TRERF1: variants seen among roughly 807,000 people sequenced by gnomAD.
The protein encoded by TRERF1 is transcriptional-regulating factor 1.
Under a neutral mutation model 122.9 loss-of-function variants are expected in TRERF1, and 27 were observed. The ratio of observed to expected loss-of-function variants is 0.22; its 90% confidence interval spans 0.16 to 0.30. The LOEUF (loss-of-function observed/expected upper bound fraction) is 0.30. Ranked by LOEUF, TRERF1 falls within the 10% of genes least tolerant of loss-of-function variation. The pLI is 1.00. For missense variants in TRERF1, 1,248 were observed against 1,560.3 expected, an observed-to-expected ratio of 0.80 and a Z score of 3.37; for synonymous variants, 636 against 641.7, an observed-to-expected ratio of 0.99 and a Z score of 0.13.
At chr6:42,274,647 C>A (rs1028752861) in intron 4 of TRERF1, among the ~76,000 whole-genome samples, 5 of 151,948 alleles carry the variant, frequency 3.3e-5, no homozygotes, top group African/African-American at 1.2e-4. Flanking sequence ...CCATTTCACT[C>A]CAGCCTGGGC....
chr6:42,407,254 C>T (rs1780306975), intron 2 of TRERF1, among the ~76,000 whole-genome samples: 1 of 152,204 alleles, frequency 6.6e-6, no homozygotes, highest in African/African-American at 2.4e-5. Flanking sequence ...GGCCACATCT[C>T]CAGATCTGAA....
intron 3 of TRERF1, among the ~76,000 whole-genome samples, chr6:42,308,758 G>A (rs530298880): frequency 6.6e-6 from 1 of 152,156 alleles, no homozygotes; most frequent in African/African-American, 2.4e-5. Flanking sequence ...CACAAAGAAG[G>A]AAACAACAGA....
intron 15 of TRERF1, among the ~76,000 whole-genome samples, chr6:42,239,634 A>G (rs147481959): frequency 4.1e-4 from 62 of 152,294 alleles, no homozygotes; most frequent in Non-Finnish European, 6.6e-4. Context: ...AAGATACATG[A>G]TCAGGAGAGC....
chr6:42,257,236 T>C, intron 10 of TRERF1, 134 bp from the exon 11 acceptor site: 2 of 1,118,396 alleles, frequency 1.8e-6, no homozygotes, highest in Non-Finnish European at 2.5e-6. Context: ...CCTCACAGTG[T>C]GACCCTAAGA....
At chr6:42,280,237 T>G (rs1782062151) in intron 4 of TRERF1, among the ~76,000 whole-genome samples, 1 of 152,188 alleles carries the variant, frequency 6.6e-6, no homozygotes, top group African/African-American at 2.4e-5. Flanking sequence ...TGGGGAATTC[T>G]GGGAGTCAAC....
intron 3 of TRERF1, among the ~76,000 whole-genome samples, chr6:42,307,757 T>G (rs1051275483): frequency 6.6e-6 from 1 of 151,380 alleles, no homozygotes; most frequent in African/African-American, 2.4e-5. Flanking sequence ...AATTCCCTGA[T>G]GGGCTTCCCC....
chr6:42,287,676 C>T (rs1356896076), intron 4 of TRERF1, among the ~76,000 whole-genome samples: 2 of 152,156 alleles, frequency 1.3e-5, no homozygotes, highest in African/African-American at 4.8e-5. Flanking sequence ...ACCCCAGGGG[C>T]CCACCACCTC....
intron 3 of TRERF1, among the ~76,000 whole-genome samples, chr6:42,304,871 C>T (rs971338042): frequency 6.6e-6 from 1 of 152,204 alleles, no homozygotes; most frequent in Non-Finnish European, 1.5e-5. Context: ...TAGCTCCTCC[C>T]AGGAGCTGAG....
At chr6:42,352,027 A>C (rs906780731) in intron 3 of TRERF1, among the ~76,000 whole-genome samples, 1 of 152,048 alleles carries the variant, frequency 6.6e-6, no homozygotes, top group Non-Finnish European at 1.5e-5. Flanking sequence ...TTTTTGAGAC[A>C]GGGTCCCAAC....
intron 3 of TRERF1, among the ~76,000 whole-genome samples, chr6:42,321,973 G>A (rs1763534774): frequency 6.6e-6 from 1 of 152,176 alleles, no homozygotes; most frequent in Non-Finnish European, 1.5e-5. Context: ...AGACTGAATG[G>A]CAGCTACAAA....
At chr6:42,349,388 T>C (rs376492863) in intron 3 of TRERF1, among the ~76,000 whole-genome samples, 12 of 151,954 alleles carry the variant, frequency 7.9e-5, no homozygotes, top group East Asian at 3.9e-4. Flanking sequence ...CATAGGCCAA[T>C]ACATTTTCTT....
chr6:42,264,948 T>C, intron 6 of TRERF1, 94 bp from the exon 7 acceptor site: 2 of 1,368,170 alleles, frequency 1.5e-6, no homozygotes, highest in Non-Finnish European at 2.0e-6. Flanking sequence ...CACAAACCCA[T>C]TTCATTCATC....
At position 42,232,855 on chromosome 6, in the gene TRERF1, C is replaced by T. The variant is rs749617303; in HGVS notation, c.3104G>A (p.Arg1035His). The change falls in exon 17 of 18, where the codon CGC becomes CAC. Residue 1035 changes from arginine (R) to histidine (H), a missense_variant. Around this residue, in one of 5 missense-constraint regions of TRERF1, gnomAD observed 159 missense variants for 221.7 expected, o/e 0.72. Transcript: ENST00000372922. This position sits in a 1 kb window ranked among gnomAD's most constrained non-coding sequence, Gnocchi z 4.5. ...CACCTGGTTGGTGCCCCCGTGGATGCGGGCATGGCCATTCAGTGCCTGTCG... is the reference window on the plus strand; with the variant it reads ...CACCTGGTTGGTGCCCCCGTGGATGTGGGCATGGCCATTCAGTGCCTGTCG... 6.2e-6 allele frequency: 10 copies of T among 1,609,510 alleles called. No homozygotes were observed. Among genetic ancestry groups the T allele is most frequent in the South Asian group, 1.1e-5 (1 of 90,146 alleles).
At chr6:42,369,966 C>T (rs1490157656) in intron 2 of TRERF1, among the ~76,000 whole-genome samples, 1 of 152,182 alleles carries the variant, frequency 6.6e-6, no homozygotes, top group African/African-American at 2.4e-5. Context: ...CTTCACCTTC[C>T]TCCTGACCTC....
intron 3 of TRERF1, among the ~76,000 whole-genome samples, chr6:42,361,627 C>A (rs115602035): frequency 1.3e-4 from 20 of 152,286 alleles, no homozygotes; most frequent in African/African-American, 4.6e-4. Context: ...GGCACATCTA[C>A]GTAGCTGACC....
chr6:42,374,556 A>C (rs544980312), intron 2 of TRERF1, among the ~76,000 whole-genome samples: 15 of 151,950 alleles, frequency 9.9e-5, no homozygotes, highest in Admixed American at 2.0e-4. Flanking sequence ...CTCCAGTTAA[A>C]CCCTCTGTGT....
At chr6:42,330,357 C>T (rs2150565108) in intron 3 of TRERF1, among the ~76,000 whole-genome samples, 1 of 152,300 alleles carries the variant, frequency 6.6e-6, no homozygotes, top group East Asian at 1.9e-4. Flanking sequence ...CTAGTAAACT[C>T]ACCAGTATCT....
At chr6:42,402,706 C>A (rs549507945) in intron 2 of TRERF1, among the ~76,000 whole-genome samples, 1 of 152,182 alleles carries the variant, frequency 6.6e-6, no homozygotes, top group Non-Finnish European at 1.5e-5. Context: ...CAAATATTAA[C>A]GGAGCACCTA....
intron 2 of TRERF1, among the ~76,000 whole-genome samples, chr6:42,427,280 A>G (rs1050054393): frequency 6.6e-6 from 1 of 152,186 alleles, no homozygotes; most frequent in Non-Finnish European, 1.5e-5. Flanking sequence ...TTTGATGGAG[A>G]CAAGGTCTCA....
Sources: allele counts gnomAD v4.1 joint callset (sites outside exome capture counted in the v4.1 genomes callset), GRCh38; gene constraint gnomAD v4.1.1; regional missense constraint gnomAD v4.1.1; non-coding constraint Gnocchi (gnomAD v3.1); transcripts MANE v1.5; gene names NCBI Gene and HGNC (gene_info 2026-07-23, HGNC 2026-07-21).